TBC1D14: variants seen among roughly 807,000 people sequenced by gnomAD.
TBC1D14 encodes the protein TBC1 domain family member 14.
A neutral mutation model predicts 79.0 loss-of-function variants in TBC1D14; 26 were observed. The ratio of observed to expected loss-of-function variants is 0.33; its 90% CI spans 0.24 to 0.46. The LOEUF (loss-of-function observed/expected upper bound fraction) is 0.46, where lower values mean the gene tolerates loss of function less well. Among genes scored for constraint, TBC1D14 ranks in the 20% least tolerant of loss-of-function variants. The probability of loss-of-function intolerance (pLI) is 1.00; values close to 1 mark genes in which losing one functional copy is unlikely to be tolerated. For synonymous variants in TBC1D14, 394 were observed against 349.9 expected (o/e 1.13, Z -1.40); for missense variants, 769 against 887.6 (o/e 0.87, Z 1.70).
At chr4:6,920,225 T>C (rs529619783) in intron 1 of TBC1D14, among the ~76,000 whole-genome samples, 91 of 152,250 alleles carry the variant, frequency 6.0e-4, no homozygotes, top group Non-Finnish European at 1.1e-3. Flanking sequence ...GCACTCTTAC[T>C]GGCTCCTTCA....
chr4:6,939,950 C>T (rs1344930281), intron 2 of TBC1D14, among the ~76,000 whole-genome samples: 2 of 151,370 alleles, frequency 1.3e-5, no homozygotes, highest in African/African-American at 4.9e-5. Context: ...TCAGGCGTCA[C>T]GACCTACACC....
chr4:6,976,460 T>C (rs1269182608), intron 3 of TBC1D14, among the ~76,000 whole-genome samples: 1 of 152,214 alleles, frequency 6.6e-6, no homozygotes, highest in Non-Finnish European at 1.5e-5. Flanking sequence ...TATTGGGGAA[T>C]AACAATTTGA....
chr4:7,032,812 A>T lies in TBC1D14; in HGVS notation c.*2420A>T, dbSNP rs1265175876. ...CACTTCACATGCCGTTGACTCTCAC[A>T]GTCTAAGACTTCAGGGCCGGGACCT... On this transcript the variant is annotated 3_prime_UTR_variant, in exon 14 of 14. Coordinates refer to ENST00000409757, the MANE Select transcript of TBC1D14 (RefSeq NM_020773.3). 2 of 152,234 alleles carry T rather than the reference A, an allele frequency of 1.3e-5. No individual in the cohort carries two copies. Among genetic ancestry groups the T allele is most frequent in the African/African-American group, 4.8e-5 (2 of 41,458 alleles). The allele number at this position is 152,234 out of a possible 1,614,324, so 9.4% of individuals were successfully genotyped here. A position where few individuals can be genotyped will look rare whatever the true frequency, so the allele number is the denominator to read the frequency against.
intron 12 of TBC1D14, among the ~76,000 whole-genome samples, chr4:7,019,178 C>T (rs1721570927): frequency 6.6e-6 from 1 of 152,072 alleles, no homozygotes; most frequent in South Asian, 2.1e-4. Context: ...CCCGCCACCA[C>T]CCCCAGCTAA....
Position 6,909,917 on chromosome 4 carries a change from G to C in TBC1D14, c.-52G>C, listed in dbSNP as rs972132776. ...CGGGGCCTGGGCTGCGGGCCCACGG[G>C]TCCCGGGGATGGCGTCGGAGCCGCG... is the stretch of plus-strand genomic sequence containing the variant. On this transcript the variant is annotated 5_prime_UTR_variant, in exon 1 of 14. Transcript: ENST00000409757. 1.4e-5 allele frequency: 2 copies of C among 148,080 alleles called. No individual in the cohort carries two copies. Among genetic ancestry groups the C allele is most frequent in the African/African-American group, 4.9e-5 (2 of 41,044 alleles). The allele number at this position is 148,080 out of a possible 1,614,324, so 9.2% of individuals were successfully genotyped here.
chr4:6,932,825 C>T (rs1030345777), intron 2 of TBC1D14, among the ~76,000 whole-genome samples: 2 of 152,096 alleles, frequency 1.3e-5, no homozygotes, highest in South Asian at 4.1e-4. Context: ...TGGTGTTTTG[C>T]TGCTGCATAA....
chr4:6,954,626 A>C (rs1367230123), intron 2 of TBC1D14, among the ~76,000 whole-genome samples: 1 of 152,090 alleles, frequency 6.6e-6, no homozygotes, highest in African/African-American at 2.4e-5. Context: ...TTTGAGACGG[A>C]GTCTGGTTCT....
intron 12 of TBC1D14, among the ~76,000 whole-genome samples, chr4:7,015,195 G>A (rs1194203426): frequency 6.6e-6 from 1 of 151,980 alleles, no homozygotes; most frequent in African/African-American, 2.4e-5. Flanking sequence ...GAAGGCTTCT[G>A]CTGAGGATGA....
At chr4:6,928,685 T>A (rs889997304) in intron 2 of TBC1D14, among the ~76,000 whole-genome samples, 3 of 152,124 alleles carry the variant, frequency 2.0e-5, no homozygotes, top group African/African-American at 7.2e-5. Flanking sequence ...ATACAAAAAT[T>A]AGCTGGGTTT....
At chr4:6,966,606 G>A (rs997868912) in intron 2 of TBC1D14, among the ~76,000 whole-genome samples, 1 of 152,210 alleles carries the variant, frequency 6.6e-6, no homozygotes, top group Non-Finnish European at 1.5e-5. Context: ...ACATGGGGCA[G>A]TGTGCCCTTG....
chr4:7,004,598 G>T (rs1459613348), intron 7 of TBC1D14, among the ~76,000 whole-genome samples: 1 of 152,200 alleles, frequency 6.6e-6, no homozygotes, highest in Non-Finnish European at 1.5e-5. Flanking sequence ...AGTTTTGTGG[G>T]TAGGCTGTGT....
chr4:7,032,419 C>T lies in TBC1D14; in HGVS notation c.*2027C>T, dbSNP rs1287443703. 2.0e-5 allele frequency: 3 copies of T among 152,672 alleles called. No homozygotes were observed. Among genetic ancestry groups the T allele is most frequent in the East Asian group, 1.9e-4 (1 of 5,200 alleles). 9.5% of individuals were successfully genotyped at this position (152,672 alleles called of 1,614,324 possible). A position where few individuals can be genotyped will look rare whatever the true frequency, so the allele number is the denominator to read the frequency against. On this transcript the variant is annotated 3_prime_UTR_variant, in exon 14 of 14. Transcript: ENST00000409757. ...CTCGTGCAGTGTGTTCAGATTGCCC[C>T]TGGGGATCTTCTGTGTCTTCAGCGC...
chr4:6,967,683 C>A (rs1326632899), intron 3 of TBC1D14, among the ~76,000 whole-genome samples: 1 of 152,212 alleles, frequency 6.6e-6, no homozygotes, highest in Non-Finnish European at 1.5e-5. Context: ...TTAGACAGAG[C>A]TGGGCTCTAG....
At chr4:6,986,632 C>T (rs1717856483) in intron 3 of TBC1D14, among the ~76,000 whole-genome samples, 2 of 152,164 alleles carry the variant, frequency 1.3e-5, no homozygotes, top group African/African-American at 4.8e-5. Context: ...GCCCTGGGAC[C>T]TGGGGCCCGC....
At chr4:6,972,470 G>A (rs1312978587) in intron 3 of TBC1D14, among the ~76,000 whole-genome samples, 1 of 152,038 alleles carries the variant, frequency 6.6e-6, no homozygotes, top group African/African-American at 2.4e-5. Flanking sequence ...CAGGCTGCCC[G>A]TTCGCCCACC....
intron 2 of TBC1D14, among the ~76,000 whole-genome samples, chr4:6,956,211 C>G (rs1233555609): frequency 6.6e-6 from 1 of 152,146 alleles, no homozygotes; most frequent in Non-Finnish European, 1.5e-5. Flanking sequence ...CAAGGCCCTC[C>G]AAACCTAGAT....
At chr4:6,931,775 T>TTAAAAAAAAATTGACTG (rs1242665421) in intron 2 of TBC1D14, among the ~76,000 whole-genome samples, 1 of 149,820 alleles carries the variant, frequency 6.7e-6, no homozygotes, top group Non-Finnish European at 1.5e-5. Context: ...CATACATTCT[T>TTAAAAAAAAATTGACTG]TAAAAAAAAA....
intron 5 of TBC1D14, 117 bp from the exon 6 acceptor site, chr4:6,998,968 C>G (rs1388986611): frequency 2.3e-6 from 2 of 863,322 alleles, no homozygotes; most frequent in Non-Finnish European, 3.7e-6. Context: ...AGCTGATGCT[C>G]GCTCTGCTTC....
chr4:6,911,491 A>C (rs1260519865), intron 1 of TBC1D14, among the ~76,000 whole-genome samples: 1 of 152,180 alleles, frequency 6.6e-6, no homozygotes, highest in Non-Finnish European at 1.5e-5. Flanking sequence ...CTGTTTGTGC[A>C]ACTGAGTTTT....
Sources: gnomAD v4.1 joint callset for allele counts (sites outside exome capture counted in the v4.1 genomes callset) on GRCh38, gnomAD v4.1.1 for gene constraint, MANE v1.5 for transcripts, NCBI Gene and HGNC (gene_info 2026-07-23, HGNC 2026-07-21) for gene names.